The following PARD3B variants were observed in gnomAD, a reference collection of about 807,000 sequenced individuals.
PARD3B encodes the protein par-3 family cell polarity regulator beta.
A neutral mutation model predicts 130.2 loss-of-function variants in PARD3B; 103 were observed. That is an observed-to-expected ratio of 0.79 (90% CI 0.67 to 0.93). The LOEUF (loss-of-function observed/expected upper bound fraction) is 0.93. Among genes scored for constraint, PARD3B ranks in the 40% least tolerant of loss-of-function variants. The pLI is 0.00. For missense variants in PARD3B, 1,609 were observed against 1,499.2 expected (o/e 1.07, Z -1.21); for synonymous variants, 583 against 553.2 (o/e 1.05, Z -0.76).
At chr2:205,359,797 C>G (rs1182216397) in intron 18 of PARD3B, among the ~76,000 whole-genome samples, 1 of 152,090 alleles carries the variant, frequency 6.6e-6, no homozygotes, top group African/African-American at 2.4e-5. Flanking sequence ...TCTAAGCACC[C>G]TTTACCGCAC....
chr2:204,605,688 A>G (rs1210392639), intron 1 of PARD3B, among the ~76,000 whole-genome samples: 1 of 152,140 alleles, frequency 6.6e-6, no homozygotes, highest in Non-Finnish European at 1.5e-5. Flanking sequence ...AGTGCACTCT[A>G]TCTGCACCTT....
intron 2 of PARD3B, among the ~76,000 whole-genome samples, chr2:204,918,001 A>C (rs2047510757): frequency 1.3e-5 from 2 of 152,194 alleles, no homozygotes. Context: ...TGGTTATAGT[A>C]ATTAAAGTTT....
At chr2:204,861,951 A>G (rs892581278) in intron 2 of PARD3B, among the ~76,000 whole-genome samples, 4 of 138,370 alleles carry the variant, frequency 2.9e-5, no homozygotes, top group Admixed American at 2.1e-4. Flanking sequence ...AAAAAAAAAA[A>G]GAAATGGCTG....
chr2:205,113,635 C>T, intron 6 of PARD3B, 58 bp downstream of exon 6: 2 of 881,746 alleles, frequency 2.3e-6, no homozygotes, highest in Non-Finnish European at 3.4e-6. Context: ...ATTTGAGCTC[C>T]TTTTCCCAAA....
chr2:205,615,625 C>G lies in PARD3B; in HGVS notation c.3430C>G (p.Pro1144Ala), dbSNP rs2055403654. The G allele has an allele frequency of 1.2e-6, 2 of 1,614,050 alleles. No individual in the cohort carries two copies. Among genetic ancestry groups the G allele is most frequent in the Non-Finnish European group, 1.7e-6 (2 of 1,179,978 alleles). Reference protein sequence around the residue: ...VADLRYPQHYPPPPAPQHKGP... With the variant: ...VADLRYPQHYAPPPAPQHKGP... ...AGATCTCCGGTATCCTCAGCACTAC[C>G]CACCCCCGCCAGCTCCCCAGCACAA... Residue 1144 changes from proline to alanine, a missense_variant, in exon 23 of 23, where the codon CCA becomes GCA. Transcript: ENST00000406610.
intron 4 of PARD3B, among the ~76,000 whole-genome samples, chr2:205,090,589 T>C (rs575145167): frequency 4.3e-4 from 66 of 152,274 alleles, no homozygotes; most frequent in African/African-American, 1.4e-3. Flanking sequence ...GTTGGGTAAG[T>C]TGGTTTACTC....
At chr2:204,615,637 T>C (rs2034083514) in intron 1 of PARD3B, among the ~76,000 whole-genome samples, 1 of 152,166 alleles carries the variant, frequency 6.6e-6, no homozygotes, top group Admixed American at 6.6e-5. Flanking sequence ...TTGTTATCCT[T>C]GAAGCGACAG....
At chr2:205,044,770 G>A (rs1410688685) in intron 3 of PARD3B, among the ~76,000 whole-genome samples, 2 of 152,064 alleles carry the variant, frequency 1.3e-5, no homozygotes, top group African/African-American at 4.8e-5. Flanking sequence ...CACTCTGATG[G>A]TAGTTTCTTT....
chr2:205,405,585 A>G lies in PARD3B; in HGVS notation c.2741+4462A>G, dbSNP rs910808061. On this transcript the variant is annotated intron_variant, in intron 19 of 22. Coordinates refer to ENST00000406610, the MANE Select transcript of PARD3B (RefSeq NM_001302769.2). This position sits in a 1 kb window ranked among gnomAD's most constrained non-coding sequence, Gnocchi z 4.1. ...AAACATTACTGATGAATATCCCATCAATCTAAGCTTGCAAGAATAATTTTT... is the reference window on the plus strand; with the variant it reads ...AAACATTACTGATGAATATCCCATCGATCTAAGCTTGCAAGAATAATTTTT... Among the ~76,000 whole-genome samples, 3 of 152,194 alleles carry G rather than the reference A, an allele frequency of 2.0e-5. No individual in the cohort carries two copies. The highest frequency in any genetic ancestry group is 2.9e-5 in the Non-Finnish European group (2 of 68,034).
chr2:204,837,622 A>G (rs1266121847), intron 2 of PARD3B, among the ~76,000 whole-genome samples: 1 of 151,944 alleles, frequency 6.6e-6, no homozygotes. Context: ...GAGTGTATAC[A>G]TCCAGCTTTG....
chr2:205,514,833 C>T (rs370125269), intron 21 of PARD3B, among the ~76,000 whole-genome samples: 9 of 136,058 alleles, frequency 6.6e-5, no homozygotes, highest in South Asian at 4.7e-4. Context: ...TCTTACAGTT[C>T]TTTTTTTTTT....
intron 11 of PARD3B, among the ~76,000 whole-genome samples, chr2:205,169,752 T>G (rs76199746): frequency 0.027 from 4,175 of 152,232 alleles, 66 homozygotes; most frequent in Middle Eastern, 0.068. Flanking sequence ...CTCTTCTGCT[T>G]CCTCCTCCTC....
At chr2:204,962,578 A>G (rs1333789495) in intron 2 of PARD3B, among the ~76,000 whole-genome samples, 1 of 152,188 alleles carries the variant, frequency 6.6e-6, no homozygotes, top group Non-Finnish European at 1.5e-5. Flanking sequence ...GTTTATGTTA[A>G]TTAATGAGTC....
intron 2 of PARD3B, among the ~76,000 whole-genome samples, chr2:204,793,897 A>G (rs1559149471): frequency 1.3e-5 from 2 of 152,216 alleles, no homozygotes; most frequent in African/African-American, 4.8e-5. Flanking sequence ...AGTTTTTACT[A>G]TCACTGAATA....
chr2:204,614,396 T>C (rs2034035916), intron 1 of PARD3B, among the ~76,000 whole-genome samples: 1 of 152,162 alleles, frequency 6.6e-6, no homozygotes, highest in South Asian at 2.1e-4. Context: ...TTTCAAGGGT[T>C]CAGGGGCCAC....
intron 2 of PARD3B, among the ~76,000 whole-genome samples, chr2:204,915,394 AT>A (rs1287136735): frequency 6.6e-6 from 1 of 152,202 alleles, no homozygotes. Context: ...ATTAATTTTC[AT>A]TATTCCTTTG....
At chr2:204,941,652 T>G (rs1559282669) in intron 2 of PARD3B, among the ~76,000 whole-genome samples, 1 of 152,176 alleles carries the variant, frequency 6.6e-6, no homozygotes, top group Non-Finnish European at 1.5e-5. Flanking sequence ...TGTGGGTCTT[T>G]TAACCTTTGC....
At chr2:204,635,652 A>G (rs1363105563) in intron 1 of PARD3B, among the ~76,000 whole-genome samples, 3 of 152,162 alleles carry the variant, frequency 2.0e-5, no homozygotes, top group Non-Finnish European at 4.4e-5. Context: ...TCCATGTATC[A>G]TATCACTGTA....
chr2:205,186,374 A>G (rs2036099366), intron 14 of PARD3B, among the ~76,000 whole-genome samples: 1 of 152,224 alleles, frequency 6.6e-6, no homozygotes, highest in South Asian at 2.1e-4. Context: ...AAAAAAATCA[A>G]TAATTTTTAG....
Sources: gnomAD v4.1 joint callset for allele counts (sites outside exome capture counted in the v4.1 genomes callset) on GRCh38, gnomAD v4.1.1 for gene constraint, Gnocchi (gnomAD v3.1) non-coding constraint, MANE v1.5 for transcripts, NCBI Gene and HGNC (gene_info 2026-07-23, HGNC 2026-07-21) for gene names.